The following DEFB110 variants were observed in gnomAD, a reference collection of about 807,000 sequenced individuals.
DEFB110 encodes defensin beta 110, also known as beta-defensin 110.
In DEFB110, 4 loss-of-function variants were observed where a neutral mutation model predicts 2.5. The ratio of observed to expected loss-of-function variants is 1.60; its 90% CI spans 0.79 to 3.66. DEFB110 has a LOEUF of 3.66. DEFB110 is among the 30% of genes most tolerant of loss of function. The probability of loss-of-function intolerance (pLI) is 0.01; values close to 1 mark genes in which losing one functional copy is unlikely to be tolerated. For missense variants in DEFB110, 94 were observed against 75.4 expected (o/e 1.25, Z -0.91); for synonymous variants, 29 against 21.8 (o/e 1.33, Z -0.92).
intron 1 of DEFB110, among the ~76,000 whole-genome samples, chr6:50,020,687 G>C (rs979327321): frequency 6.6e-6 from 1 of 152,086 alleles, no homozygotes; most frequent in African/African-American, 2.4e-5. Flanking sequence ...TGGTATAATG[G>C]CTATAAAACC....
chr6:50,017,981 C>A (rs1251568337), downstream of DEFB110, among the ~76,000 whole-genome samples: 1 of 151,806 alleles, frequency 6.6e-6, no homozygotes, highest in Non-Finnish European at 1.5e-5. Context: ...AGAGAGGATT[C>A]TATTTTATTA....
chr6:50,010,898 G>T (rs1047142731), intron 1 of DEFB110, among the ~76,000 whole-genome samples: 12 of 151,426 alleles, frequency 7.9e-5, no homozygotes, highest in African/African-American at 2.9e-4. Flanking sequence ...TTAGAAAAAA[G>T]TATACACATA....
intron 1 of DEFB110, among the ~76,000 whole-genome samples, chr6:50,010,610 A>G (rs1297212290): frequency 1.3e-5 from 2 of 150,568 alleles, no homozygotes; most frequent in African/African-American, 4.9e-5. Flanking sequence ...TGTAAATTAT[A>G]TATTTTTGAT....
rs576645543 is a variant in DEFB110 at position 50,018,887 on chromosome 6, G to A, written c.*90C>T. On this transcript the variant is annotated 3_prime_UTR_variant, in exon 2 of 2. Transcript: ENST00000371148. Reference sequence around the variant, plus strand: ...TTTTATTTAGTTCTTGTGTATTATAGAGACACACACGCCTTGAAGGATGTG... The same window carrying A: ...TTTTATTTAGTTCTTGTGTATTATAAAGACACACACGCCTTGAAGGATGTG... 2.0e-6 allele frequency: 3 copies of A among 1,485,118 alleles called. No individual in the cohort carries two copies. Among genetic ancestry groups the A allele is most frequent in the Non-Finnish European group, 2.7e-6 (3 of 1,123,912 alleles). 92.0% of individuals were successfully genotyped at this position (1,485,118 alleles called of 1,614,324 possible). A position where few individuals can be genotyped will look rare whatever the true frequency, so the allele number is the denominator to read the frequency against.
downstream of DEFB110, among the ~76,000 whole-genome samples, chr6:50,016,744 T>C (rs765370295): frequency 3.5e-4 from 53 of 151,986 alleles, no homozygotes; most frequent in Middle Eastern, 0.014. Context: ...ATATTAATTT[T>C]GAGGTTGATG....
At chr6:50,015,444 G>A (rs1400718206), downstream of DEFB110, among the ~76,000 whole-genome samples, 1 of 151,440 alleles carries the variant, frequency 6.6e-6, no homozygotes, top group East Asian at 1.9e-4. Flanking sequence ...TCCTCTCCCA[G>A]GACTCACCTC....
chr6:50,020,855 G>T (rs984092562), intron 1 of DEFB110, among the ~76,000 whole-genome samples: 1 of 152,062 alleles, frequency 6.6e-6, no homozygotes, highest in East Asian at 1.9e-4. Context: ...CATTTTCTGA[G>T]GAGTTATTAT....
chr6:50,015,651 T>G (rs926427994), downstream of DEFB110, among the ~76,000 whole-genome samples: 2 of 151,910 alleles, frequency 1.3e-5, no homozygotes, highest in African/African-American at 4.8e-5. Flanking sequence ...CCTTGTAATA[T>G]AATAGATAAT....
chr6:50,015,934 T>C (rs1582366319), downstream of DEFB110, among the ~76,000 whole-genome samples: 1 of 151,966 alleles, frequency 6.6e-6, no homozygotes, highest in South Asian at 2.1e-4. Context: ...TTGTGAACTC[T>C]ATCAAATTGA....
At position 50,010,397 on chromosome 6, in the gene DEFB110, A is replaced by G. The variant is rs567790579; in HGVS notation, c.56-1126T>C. 5.9e-5 allele frequency among the ~76,000 whole-genome samples: 9 copies of G among 151,924 alleles called. No individual in the cohort carries two copies. The East Asian group carries it at 1.7e-3, about 29-fold the overall frequency. ...TTTTAGTACCTAGTATTCACCAGGCATTAGGTTCCGAAGCAGAGAAAAACT... is the reference window on the plus strand; with the variant it reads ...TTTTAGTACCTAGTATTCACCAGGCGTTAGGTTCCGAAGCAGAGAAAAACT... On this transcript the variant is annotated intron_variant, in intron 1 of 1. Transcript: ENST00000393660.
chr6:50,013,336 A>G (rs985224977), intron 1 of DEFB110, among the ~76,000 whole-genome samples: 1 of 151,896 alleles, frequency 6.6e-6, no homozygotes, highest in Non-Finnish European at 1.5e-5. Flanking sequence ...AAGCAAAAAG[A>G]TGTATCCTAA....
At chr6:50,016,701 A>G (rs1774322931), downstream of DEFB110, among the ~76,000 whole-genome samples, 1 of 151,732 alleles carries the variant, frequency 6.6e-6, no homozygotes, top group African/African-American at 2.4e-5. Flanking sequence ...TTCACGCAGA[A>G]AACACTTAAA....
At chr6:50,011,615 T>C (rs958488288) in intron 1 of DEFB110, among the ~76,000 whole-genome samples, 1 of 151,942 alleles carries the variant, frequency 6.6e-6, no homozygotes, top group African/African-American at 2.4e-5. Flanking sequence ...CATGACTCAA[T>C]GTTAGTTTTT....
At chr6:50,020,806 A>T (rs949889672) in intron 1 of DEFB110, among the ~76,000 whole-genome samples, 1 of 152,192 alleles carries the variant, frequency 6.6e-6, no homozygotes, top group Non-Finnish European at 1.5e-5. Context: ...TAATCTGCAC[A>T]ATTTAAATAT....
At chr6:50,013,889 C>T (rs976929613), downstream of DEFB110, among the ~76,000 whole-genome samples, 7 of 151,726 alleles carry the variant, frequency 4.6e-5, no homozygotes, top group Admixed American at 1.3e-4. Context: ...AGATTTTAGC[C>T]CTTGCGAGTA....
intron 1 of DEFB110, among the ~76,000 whole-genome samples, chr6:50,019,384 T>C (rs1158020957): frequency 6.6e-6 from 1 of 152,082 alleles, no homozygotes; most frequent in African/African-American, 2.4e-5. Context: ...CCTAAATCAA[T>C]GGAAAAAAAG....
intron 1 of DEFB110, among the ~76,000 whole-genome samples, chr6:50,020,128 C>T (rs1315308242): frequency 6.6e-6 from 1 of 152,026 alleles, no homozygotes; most frequent in Non-Finnish European, 1.5e-5. Flanking sequence ...GAGAGCAAAA[C>T]TGCAACTAAA....
chr6:50,018,326 C>T (rs903530830), downstream of DEFB110, among the ~76,000 whole-genome samples: 2 of 151,830 alleles, frequency 1.3e-5, no homozygotes, highest in African/African-American at 4.8e-5. Flanking sequence ...CAGTTATTTT[C>T]TCCTCTTCTT....
chr6:50,017,793 G>T (rs1483897208), downstream of DEFB110, among the ~76,000 whole-genome samples: 2 of 151,736 alleles, frequency 1.3e-5, no homozygotes, highest in Non-Finnish European at 2.9e-5. Context: ...TTGAAGAATA[G>T]AATGGATCCA....
Sources: allele counts gnomAD v4.1 joint callset (sites outside exome capture counted in the v4.1 genomes callset), GRCh38; gene constraint gnomAD v4.1.1; transcripts MANE v1.5; gene names NCBI Gene and HGNC (gene_info 2026-07-23, HGNC 2026-07-21).